Variants in GRXCR1 observed in about 807,000 individuals in gnomAD.
The protein encoded by GRXCR1 is glutaredoxin and cysteine rich domain containing 1, also known as glutaredoxin domain-containing cysteine-rich protein 1.
GRXCR1 carries 27 observed loss-of-function variants against 27.3 expected under a neutral mutation model. The ratio of observed to expected loss-of-function variants is 0.99; its 90% CI spans 0.73 to 1.37. The LOEUF (loss-of-function observed/expected upper bound fraction) is 1.37. Ranked by LOEUF, GRXCR1 falls within the 40% of genes most tolerant of loss-of-function variation. The pLI, the probability that GRXCR1 is intolerant of heterozygous loss-of-function variation, is 0.00. For synonymous variants in GRXCR1, 122 were observed against 131.1 expected (o/e 0.93, Z 0.47); for missense variants, 379 against 354.4 (o/e 1.07, Z -0.56).
intron 1 of GRXCR1, among the ~76,000 whole-genome samples, chr4:42,894,490 C>T (rs1023713998): frequency 4.6e-5 from 7 of 151,806 alleles, no homozygotes; most frequent in African/African-American, 1.7e-4. Context: ...ATTGTAATTC[C>T]TTTTTATATT....
At chr4:43,024,576 C>A (rs1239357171) in intron 3 of GRXCR1, among the ~76,000 whole-genome samples, 1 of 152,166 alleles carries the variant, frequency 6.6e-6, no homozygotes, top group Non-Finnish European at 1.5e-5. Context: ...GTTTAAGAAT[C>A]AGGCTCCTAT....
intron 1 of GRXCR1, among the ~76,000 whole-genome samples, chr4:42,957,508 T>C (rs1355329717): frequency 2.6e-5 from 4 of 152,010 alleles, no homozygotes; most frequent in African/African-American, 9.7e-5. Context: ...TTGAGTGAAC[T>C]TTCTACCCCA....
chr4:42,916,041 A>G (rs1394214084), intron 1 of GRXCR1, among the ~76,000 whole-genome samples: 1 of 151,872 alleles, frequency 6.6e-6, no homozygotes, highest in Non-Finnish European at 1.5e-5. Flanking sequence ...TAAGAATAGA[A>G]CAAAAAATTC....
At chr4:43,020,962 G>T (rs1462030307) in intron 3 of GRXCR1, among the ~76,000 whole-genome samples, 1 of 152,122 alleles carries the variant, frequency 6.6e-6, no homozygotes, top group Non-Finnish European at 1.5e-5. Context: ...TTATCAGATT[G>T]TTTCTCCCTA....
intron 1 of GRXCR1, among the ~76,000 whole-genome samples, chr4:42,903,341 G>A (rs1216184194): frequency 4.2e-4 from 51 of 120,686 alleles, no homozygotes; most frequent in African/African-American, 1.3e-3. Context: ...TTTTTTAGAC[G>A]GAGTCTCTCA....
At chr4:42,983,313 A>T (rs1306119600) in intron 2 of GRXCR1, among the ~76,000 whole-genome samples, 1 of 145,154 alleles carries the variant, frequency 6.9e-6, no homozygotes, top group Non-Finnish European at 1.5e-5. Context: ...TAAATAGGGA[A>T]TCCTTTCCCC....
chr4:42,940,245 T>C (rs1747585145), intron 1 of GRXCR1, among the ~76,000 whole-genome samples: 3 of 152,052 alleles, frequency 2.0e-5, no homozygotes, highest in Non-Finnish European at 4.4e-5. Flanking sequence ...ACACTTTGCC[T>C]CCAGCAGCTT....
At chr4:42,929,987 G>T (rs1747265964) in intron 1 of GRXCR1, among the ~76,000 whole-genome samples, 1 of 151,888 alleles carries the variant, frequency 6.6e-6, no homozygotes, top group African/African-American at 2.4e-5. Flanking sequence ...TTGATTGATG[G>T]CAGGACCGAG....
intron 3 of GRXCR1, among the ~76,000 whole-genome samples, chr4:43,021,414 C>T (rs570287850): frequency 1.3e-5 from 2 of 152,190 alleles, no homozygotes; most frequent in South Asian, 4.1e-4. Context: ...TTTTGTATTA[C>T]CTTTCTTTTA....
intron 1 of GRXCR1, among the ~76,000 whole-genome samples, chr4:42,895,157 C>T (rs144433123): frequency 1.8e-4 from 28 of 151,968 alleles, no homozygotes; most frequent in African/African-American, 4.6e-4. Flanking sequence ...TTTAAACTCA[C>T]AAAAAAGAAA....
At chr4:43,015,682 T>G (rs1712908523) in intron 2 of GRXCR1, among the ~76,000 whole-genome samples, 1 of 151,888 alleles carries the variant, frequency 6.6e-6, no homozygotes, top group Non-Finnish European at 1.5e-5. Context: ...AATTTCTATT[T>G]TATTATACTA....
intron 2 of GRXCR1, among the ~76,000 whole-genome samples, chr4:42,980,223 T>C (rs1748623877): frequency 6.6e-6 from 1 of 151,722 alleles, no homozygotes; most frequent in Non-Finnish European, 1.5e-5. Flanking sequence ...TTTCTTGAAG[T>C]GTAACATTAG....
At chr4:42,904,863 G>C (rs890016399) in intron 1 of GRXCR1, among the ~76,000 whole-genome samples, 2 of 152,026 alleles carry the variant, frequency 1.3e-5, no homozygotes, top group East Asian at 1.9e-4. Flanking sequence ...GTAACATATG[G>C]CAAGAACTCA....
intron 1 of GRXCR1, among the ~76,000 whole-genome samples, chr4:42,900,526 T>C (rs898386885): frequency 3.3e-5 from 5 of 152,176 alleles, no homozygotes; most frequent in African/African-American, 1.2e-4. Flanking sequence ...ATCTTTTATG[T>C]AATTAATTAT....
chr4:42,950,346 T>C (rs922071149), intron 1 of GRXCR1, among the ~76,000 whole-genome samples: 5 of 152,218 alleles, frequency 3.3e-5, no homozygotes, highest in East Asian at 1.9e-4. Context: ...ATTTGCAAGA[T>C]GTTCCTGACT....
intron 2 of GRXCR1, among the ~76,000 whole-genome samples, chr4:42,983,671 A>T (rs1360441708): frequency 6.6e-6 from 1 of 152,028 alleles, no homozygotes; most frequent in East Asian, 1.9e-4. Context: ...CACGATATTG[A>T]TTCTTCTCTT....
intron 1 of GRXCR1, among the ~76,000 whole-genome samples, chr4:42,932,609 TATATATATATAGAGAGAGAGAG>T (rs1436037438): frequency 5.2e-3 from 265 of 51,090 alleles, no homozygotes; most frequent in South Asian, 0.011. Context: ...TATATATATA[TATATATATATAGAGAGAGAGAG>T]AGAGAGAGAG....
chr4:43,005,946 TG>T (rs1448529407), intron 2 of GRXCR1, among the ~76,000 whole-genome samples: 1 of 152,216 alleles, frequency 6.6e-6, no homozygotes, highest in Non-Finnish European at 1.5e-5. Flanking sequence ...GGACCCCAAA[TG>T]GAGGGACCGG....
chr4:43,002,215 G>T (rs1577940011), intron 2 of GRXCR1, among the ~76,000 whole-genome samples: 1 of 152,274 alleles, frequency 6.6e-6, no homozygotes. Context: ...ACCCTTTATG[G>T]GTGTCGGGCT....
Sources: allele counts gnomAD v4.1 joint callset (sites outside exome capture counted in the v4.1 genomes callset), GRCh38; gene constraint gnomAD v4.1.1; transcripts MANE v1.5; gene names NCBI Gene and HGNC (gene_info 2026-07-23, HGNC 2026-07-21).